The following LUC7L2 variants were observed in gnomAD, a reference collection of about 807,000 sequenced individuals.
LUC7L2 encodes the protein putative RNA-binding protein Luc7-like 2.
A neutral mutation model predicts 52.8 loss-of-function variants in LUC7L2; 25 were observed. The observed-to-expected ratio is 0.47, with a 90% CI of 0.34 to 0.66. The LOEUF is 0.66. LUC7L2 is among the 30% of genes least tolerant of loss of function. LUC7L2 has a pLI of 0.01. For synonymous variants in LUC7L2, 144 were observed against 160.9 expected (o/e 0.89, Z 0.80); for missense variants, 328 against 497.8 (o/e 0.66, Z 3.25).
intron 1 of LUC7L2, among the ~76,000 whole-genome samples, chr7:139,372,128 G>T (rs943075711): frequency 6.6e-6 from 1 of 152,134 alleles, no homozygotes; most frequent in Non-Finnish European, 1.5e-5. Flanking sequence ...TAAGTACAAG[G>T]CCTGAATAAC....
At chr7:139,379,832 C>T (rs1183871948) in intron 2 of LUC7L2, among the ~76,000 whole-genome samples, 1 of 151,990 alleles carries the variant, frequency 6.6e-6, no homozygotes, top group Non-Finnish European at 1.5e-5. Flanking sequence ...TCCTAAAGTG[C>T]TGCAATGATA....
chr7:139,387,588 A>T (rs977070710), intron 2 of LUC7L2, among the ~76,000 whole-genome samples: 1 of 152,162 alleles, frequency 6.6e-6, no homozygotes, highest in East Asian at 1.9e-4. Context: ...TTTGAGATCG[A>T]ATGTGGAGAA....
intron 8 of LUC7L2, among the ~76,000 whole-genome samples, chr7:139,414,173 C>G (rs964560122): frequency 1.3e-5 from 2 of 152,184 alleles, no homozygotes; most frequent in African/African-American, 4.8e-5. Context: ...ACACGTCAGC[C>G]AGGATGAGCC....
At chr7:139,397,070 C>T (rs968375244) in intron 2 of LUC7L2, among the ~76,000 whole-genome samples, 8 of 152,160 alleles carry the variant, frequency 5.3e-5, no homozygotes, top group African/African-American at 1.9e-4. Flanking sequence ...TAGGCATACT[C>T]ATTTTTAGAT....
At chr7:139,405,019 G>A (rs556245642) in intron 4 of LUC7L2, among the ~76,000 whole-genome samples, 24 of 152,346 alleles carry the variant, frequency 1.6e-4, no homozygotes, top group African/African-American at 4.6e-4. Flanking sequence ...GGGAAATACA[G>A]ATAGCTGTCC....
intron 1 of LUC7L2, among the ~76,000 whole-genome samples, chr7:139,347,309 C>A (rs7788035): frequency 1.3e-5 from 2 of 152,050 alleles, no homozygotes; most frequent in Non-Finnish European, 2.9e-5. Flanking sequence ...CAGTTCAAGC[C>A]GGGTGTGGTG....
At chr7:139,378,142 C>T (rs1484683978) in intron 2 of LUC7L2, among the ~76,000 whole-genome samples, 2 of 151,976 alleles carry the variant, frequency 1.3e-5, no homozygotes, top group Non-Finnish European at 2.9e-5. Flanking sequence ...TATCTACTTT[C>T]TAACATTTTC....
chr7:139,422,423 G>A lies in LUC7L2; in HGVS notation c.*83G>A. ...TAGTTCACAGCTGTTCAGGGTGACA[G>A]TGAGCAGATCCAGACACCAGATCCA... On this transcript the variant is annotated 3_prime_UTR_variant, in exon 10 of 10. Transcript: ENST00000354926. 6.6e-7 allele frequency: 1 copy of A among 1,512,704 alleles called. No homozygotes were observed. Among genetic ancestry groups the A allele is most frequent in the African/African-American group, 1.4e-5 (1 of 72,114 alleles). The allele number at this position is 1,512,704 out of a possible 1,614,324, so 93.7% of individuals were successfully genotyped here. A position where few individuals can be genotyped will look rare whatever the true frequency, so the allele number is the denominator to read the frequency against.
At chr7:139,341,883 G>C (rs1426894914) in intron 1 of LUC7L2, among the ~76,000 whole-genome samples, 1 of 152,196 alleles carries the variant, frequency 6.6e-6, no homozygotes. Flanking sequence ...GAGTTGAAGG[G>C]TGTACTGTTG....
chr7:139,345,169 A>G (rs1799212252), intron 1 of LUC7L2, among the ~76,000 whole-genome samples: 4 of 152,128 alleles, frequency 2.6e-5, no homozygotes, highest in Admixed American at 2.6e-4. Context: ...TATAATTTCC[A>G]TATCTACCAT....
chr7:139,381,201 A>C (rs756085193), intron 2 of LUC7L2, among the ~76,000 whole-genome samples: 15 of 152,108 alleles, frequency 9.9e-5, no homozygotes, highest in Non-Finnish European at 1.8e-4. Context: ...TTAAATCTAG[A>C]AATACTTAAA....
At position 139,417,657 on chromosome 7, in the gene LUC7L2, G is replaced by A. The variant is rs758714651; in HGVS notation, c.929G>A (p.Arg310His). 5 of 1,613,916 alleles carry A rather than the reference G, an allele frequency of 3.1e-6. No homozygotes were observed. The highest frequency in any genetic ancestry group is 1.3e-5 in the African/African-American group (1 of 74,908). ...CGCCACAGGTCCCGCTCCAGCAGCC[G>A]TAGCCGCAGCCGTAGCCACCAGAGA... Reference protein sequence around the residue: ...RHRHRSRSSSRSRSRSHQRSR... With the variant: ...RHRHRSRSSSHSRSRSHQRSR... Residue 310 changes from arginine to histidine, a missense_variant, in exon 9 of 10, where the codon CGT (arginine) becomes CAT (histidine). Arg to His is a conservative substitution (Grantham distance 29). This residue lies in a region of LUC7L2 where 195 missense variants were observed against 223.3 expected (regional missense o/e 0.87). Coordinates refer to ENST00000354926, the MANE Select transcript of LUC7L2 (RefSeq NM_016019.5).
intron 2 of LUC7L2, among the ~76,000 whole-genome samples, chr7:139,393,231 C>T (rs1467108657): frequency 1.3e-5 from 2 of 151,762 alleles, no homozygotes; most frequent in South Asian, 2.1e-4. Context: ...TGCACCACTG[C>T]ACTCCAGCCT....
intron 1 of LUC7L2, among the ~76,000 whole-genome samples, chr7:139,350,185 G>A (rs1032497850): frequency 2.0e-5 from 3 of 151,730 alleles, no homozygotes; most frequent in Admixed American, 6.6e-5. Flanking sequence ...GCAGTGGCGC[G>A]ATCTCTGCTC....
chr7:139,364,764 G>A (rs1028958246), intron 1 of LUC7L2, among the ~76,000 whole-genome samples: 2 of 152,270 alleles, frequency 1.3e-5, no homozygotes, highest in South Asian at 4.1e-4. Flanking sequence ...TTGAAGTAGT[G>A]CGTTCTTTAA....
At chr7:139,368,737 C>CAAAAAAAA (rs779546165) in intron 1 of LUC7L2, among the ~76,000 whole-genome samples, 2 of 110,644 alleles carry the variant, frequency 1.8e-5, no homozygotes, top group African/African-American at 6.9e-5. Context: ...GACACCGTCT[C>CAAAAAAAA]AAAAAAAAAA....
intron 2 of LUC7L2, among the ~76,000 whole-genome samples, chr7:139,396,164 G>C (rs1353145423): frequency 6.6e-6 from 1 of 152,148 alleles, no homozygotes; most frequent in Admixed American, 6.5e-5. Flanking sequence ...TTCTTGGCCA[G>C]GTGCAGTTGC....
chr7:139,412,635 A>C (rs554504939), intron 8 of LUC7L2, 55 bp downstream of exon 8: 25 of 1,543,234 alleles, frequency 1.6e-5, no homozygotes, highest in Non-Finnish European at 2.1e-5. Context: ...TTTCAAAGGT[A>C]GTTTTTATAG....
intron 1 of LUC7L2, chr7:139,371,440 T>TA: frequency 6.5e-7 from 1 of 1,533,862 alleles, no homozygotes; most frequent in South Asian, 1.2e-5. Context: ...CTTAAAAAAA[T>TA]ACAGGGAGCA....
Sources: gnomAD v4.1 joint callset for allele counts (sites outside exome capture counted in the v4.1 genomes callset) on GRCh38, gnomAD v4.1.1 for gene constraint, gnomAD v4.1.1 regional missense constraint, MANE v1.5 for transcripts, NCBI Gene and HGNC (gene_info 2026-07-23, HGNC 2026-07-21) for gene names.